The following NDUFA10 variants were observed in gnomAD, a reference collection of about 807,000 sequenced individuals.
The protein encoded by NDUFA10 is NADH:ubiquinone oxidoreductase subunit A10.
In NDUFA10, 40 loss-of-function variants were observed where a neutral mutation model predicts 47.8. The ratio of observed to expected loss-of-function variants is 0.84; its 90% CI spans 0.65 to 1.09. The LOEUF is 1.09. Among genes scored for constraint, NDUFA10 ranks in the 50% least tolerant of loss-of-function variants. The pLI, the probability that NDUFA10 is intolerant of heterozygous loss-of-function variation, is 0.00. For missense variants in NDUFA10, 413 were observed against 451.1 expected, an observed-to-expected ratio of 0.92 and a Z score of 0.76; for synonymous variants, 183 against 172.2, an observed-to-expected ratio of 1.06 and a Z score of -0.49.
chr2:240,001,499 CAAG>C (rs1190655066), intron 8 of NDUFA10, among the ~76,000 whole-genome samples: 1 of 152,172 alleles, frequency 6.6e-6, no homozygotes, highest in Non-Finnish European at 1.5e-5. Flanking sequence ...TGCTTTACAA[CAAG>C]GAGACAGAGG....
chr2:239,939,898 C>T lies in NDUFA10; in HGVS notation c.295-44584G>A, dbSNP rs115187671. On this transcript the variant is annotated intron_variant, in intron 4 of 5. Transcript: ENST00000419408. ...CTGCAGTGCAGGCCAAGCTGCGATT[C>T]CATGGGGCAGCCAGCCCTACTCAGT... Among the ~76,000 whole-genome samples the T allele has an allele frequency of 7.3e-3, 1,113 of 152,326 alleles. 8 individuals carry two copies. The highest frequency in any genetic ancestry group is 0.023 in the African/African-American group (952 of 41,572).
intron 4 of NDUFA10, among the ~76,000 whole-genome samples, chr2:239,916,870 C>A (rs961847264): frequency 3.3e-5 from 5 of 152,256 alleles, no homozygotes; most frequent in African/African-American, 9.6e-5. Context: ...TCCCTTTGGC[C>A]ATTATGTCTC....
At position 239,958,242 on chromosome 2, in the gene NDUFA10, G is replaced by T. The variant is rs892188292; in HGVS notation, c.*2876C>A. On this transcript the variant is annotated 3_prime_UTR_variant, in exon 10 of 10. Coordinates refer to ENST00000252711, the MANE Select transcript of NDUFA10 (RefSeq NM_004544.4). ...CCCAAATCTTGCAGATTTATATCCA[G>T]TGTGAGCACGGACTATGCTTCTTCC... 1 of 152,198 alleles carries T rather than the reference G, an allele frequency of 6.6e-6. No individual in the cohort carries two copies. Among genetic ancestry groups the T allele is most frequent in the Non-Finnish European group, 1.5e-5 (1 of 68,042 alleles). The allele number at this position is 152,198 out of a possible 1,614,324, so 9.4% of individuals were successfully genotyped here. A position where few individuals can be genotyped will look rare whatever the true frequency, so the allele number is the denominator to read the frequency against.
intron 9 of NDUFA10, 121 bp from the exon 10 acceptor site, chr2:239,961,307 G>A (rs1419088821): frequency 2.8e-5 from 44 of 1,557,856 alleles, no homozygotes; most frequent in Non-Finnish European, 3.7e-5. Context: ...CAATGCTGGT[G>A]AGCACATGAT....
chr2:239,916,142 C>T, intron 4 of NDUFA10, among the ~76,000 whole-genome samples: 1 of 151,134 alleles, frequency 6.6e-6, no homozygotes, highest in East Asian at 2.0e-4. Flanking sequence ...CACAAATATA[C>T]AGACACACAC....
intron 8 of NDUFA10, among the ~76,000 whole-genome samples, chr2:239,994,453 C>T (rs1173705987): frequency 6.6e-6 from 1 of 151,980 alleles, no homozygotes; most frequent in Non-Finnish European, 1.5e-5. Flanking sequence ...CACTGTCTCC[C>T]ATCACCCCCA....
intron 4 of NDUFA10, among the ~76,000 whole-genome samples, chr2:239,921,964 CCCT>C (rs1329672708): frequency 1.2e-3 from 173 of 149,398 alleles, no homozygotes; most frequent in African/African-American, 4.2e-3. Flanking sequence ...TCCCCTCCCT[CCCT>C]CCTTTCCTCC....
At chr2:239,934,650 G>A (rs1248704454) in intron 4 of NDUFA10, among the ~76,000 whole-genome samples, 2 of 152,170 alleles carry the variant, frequency 1.3e-5, no homozygotes, top group Admixed American at 6.5e-5. Context: ...CATGTGATTA[G>A]TAAGTGCAGA....
intron 9 of NDUFA10, chr2:239,973,553 G>A (rs369747531): frequency 1.1e-4 from 51 of 469,222 alleles, no homozygotes; most frequent in Admixed American, 1.9e-4. Context: ...TCTTGGACAC[G>A]ATCAGCTTCA....
At chr2:239,925,956 T>C (rs1043485065) in intron 4 of NDUFA10, among the ~76,000 whole-genome samples, 1 of 152,152 alleles carries the variant, frequency 6.6e-6, no homozygotes, top group African/African-American at 2.4e-5. Flanking sequence ...TCACTATACA[T>C]CTTTCAGAGC....
intron 6 of NDUFA10, among the ~76,000 whole-genome samples, chr2:240,008,655 CA>C (rs1408552509): frequency 6.6e-6 from 1 of 152,216 alleles, no homozygotes; most frequent in Non-Finnish European, 1.5e-5. Flanking sequence ...CATATTTGCA[CA>C]AGAGTGGTCA....
intron 8 of NDUFA10, among the ~76,000 whole-genome samples, chr2:240,000,404 C>T (rs771619677): frequency 6.6e-6 from 1 of 150,860 alleles, no homozygotes; most frequent in African/African-American, 2.4e-5. Context: ...ACAACAACAA[C>T]AAAAGTTTAA....
In NDUFA10 at chr2:239,959,748, G is replaced by T; in HGVS notation, c.*1370C>A. On this transcript the variant is annotated 3_prime_UTR_variant, in exon 10 of 10. Transcript: ENST00000252711. ...AGACGGAAGGAAGGAAGAGAAGGAGGGAAGGAAAGAGGCAGGGAGGAAGGG... is the reference window on the plus strand; with the variant it reads ...AGACGGAAGGAAGGAAGAGAAGGAGTGAAGGAAAGAGGCAGGGAGGAAGGG... The T allele has an allele frequency of 1.4e-6, 1 of 706,520 alleles. No individual in the cohort carries two copies. The highest frequency in any genetic ancestry group is 6.4e-5 in the South Asian group (1 of 15,602). The allele number at this position is 706,520 out of a possible 1,614,324, so 43.8% of individuals were successfully genotyped here. A position where few individuals can be genotyped will look rare whatever the true frequency, so the allele number is the denominator to read the frequency against.
chr2:239,988,147 T>C (rs1023749496), intron 9 of NDUFA10, among the ~76,000 whole-genome samples: 12 of 152,132 alleles, frequency 7.9e-5, no homozygotes, highest in African/African-American at 2.7e-4. Context: ...AATTACAAGG[T>C]ATCCATATTG....
intron 4 of NDUFA10, among the ~76,000 whole-genome samples, chr2:239,942,253 T>C (rs1694371528): frequency 6.6e-6 from 1 of 152,256 alleles, no homozygotes; most frequent in Non-Finnish European, 1.5e-5. Context: ...CACGCGGTAG[T>C]GTGCGCTGCA....
At chr2:239,989,063 A>G (rs1696140117) in intron 9 of NDUFA10, among the ~76,000 whole-genome samples, 1 of 150,994 alleles carries the variant, frequency 6.6e-6, no homozygotes, top group African/African-American at 2.4e-5. Flanking sequence ...ATACAAGGAC[A>G]AAGGGAGAAA....
chr2:239,972,506 T>C (rs1027585694), intron 9 of NDUFA10, among the ~76,000 whole-genome samples: 2 of 152,160 alleles, frequency 1.3e-5, no homozygotes, highest in Non-Finnish European at 2.9e-5. Context: ...TTTTCATTAA[T>C]TTTAAAGAAG....
At chr2:239,937,111 C>T (rs925560779) in intron 4 of NDUFA10, among the ~76,000 whole-genome samples, 16 of 152,304 alleles carry the variant, frequency 1.1e-4, no homozygotes, top group South Asian at 1.0e-3. Flanking sequence ...CAGTGGCCAC[C>T]CCAGAGACGC....
Position 240,025,255 on chromosome 2 carries a change from C to T in NDUFA10, c.47G>A (p.Arg16Gln). The change falls in exon 1 of 10, where the codon CGG becomes CAG. Residue 16 changes from arginine to glutamine, a missense_variant. Arg to Gln is a conservative substitution (Grantham distance 43). Transcript: ENST00000252711. The stretch of plus-strand genomic sequence containing the variant: ...GCGCTGGGCGCCCGCCGCCACGACC[C>T]GGGCGGACGCGGACGTCGCTGCCAG... ...LKLAATSASA[R>Q]VVAAGAQRVR... The T allele has an allele frequency of 6.7e-7, 1 of 1,499,170 alleles. No individual in the cohort carries two copies. Among genetic ancestry groups the T allele is most frequent in the Admixed American group, 2.2e-5 (1 of 45,136 alleles). The allele number at this position is 1,499,170 out of a possible 1,614,324, so 92.9% of individuals were successfully genotyped here. A position where few individuals can be genotyped will look rare whatever the true frequency, so the allele number is the denominator to read the frequency against.
Sources: allele counts gnomAD v4.1 joint callset (sites outside exome capture counted in the v4.1 genomes callset), GRCh38; gene constraint gnomAD v4.1.1; transcripts MANE v1.5; gene names NCBI Gene and HGNC (gene_info 2026-07-23, HGNC 2026-07-21).